Variants in INPP4B observed in about 807,000 individuals in gnomAD.
The protein encoded by INPP4B is inositol polyphosphate 4-phosphatase type II.
INPP4B carries 55 observed loss-of-function variants against 122.5 expected under a neutral mutation model. The observed-to-expected ratio is 0.45, with a 90% CI of 0.36 to 0.56. The LOEUF (loss-of-function observed/expected upper bound fraction) is 0.56, where lower values mean the gene tolerates loss of function less well. Ranked by LOEUF, INPP4B falls within the 20% of genes least tolerant of loss-of-function variation. The pLI is 0.00. For missense variants in INPP4B, 1,000 were observed against 1,097.7 expected, an observed-to-expected ratio of 0.91 and a Z score of 1.26; for synonymous variants, 403 against 388.7, an observed-to-expected ratio of 1.04 and a Z score of -0.43.
chr4:142,220,070 C>T (rs1848766387), intron 12 of INPP4B, among the ~76,000 whole-genome samples: 1 of 152,154 alleles, frequency 6.6e-6, no homozygotes, highest in African/African-American at 2.4e-5. Flanking sequence ...TTCTTTTGGA[C>T]AATATCACTC....
intron 7 of INPP4B, among the ~76,000 whole-genome samples, chr4:142,336,387 T>C (rs1029018729): frequency 6.6e-6 from 1 of 152,192 alleles, no homozygotes; most frequent in African/African-American, 2.4e-5. Context: ...GCAGTCACAC[T>C]TCTGGAGGCC....
At chr4:142,684,056 G>A (rs1159228964) in intron 2 of INPP4B, among the ~76,000 whole-genome samples, 1 of 151,976 alleles carries the variant, frequency 6.6e-6, no homozygotes, top group African/African-American at 2.4e-5. Flanking sequence ...GAGATGAAAA[G>A]ACAAGAAATA....
chr4:142,604,755 G>T (rs1740854156), intron 2 of INPP4B, among the ~76,000 whole-genome samples: 1 of 152,072 alleles, frequency 6.6e-6, no homozygotes, highest in Admixed American at 6.6e-5. Context: ...CCATGCTCAT[G>T]AATTGGAAGG....
At chr4:142,294,856 A>AAAG (rs1561775056) in intron 9 of INPP4B, among the ~76,000 whole-genome samples, 1 of 143,806 alleles carries the variant, frequency 7.0e-6, no homozygotes, top group African/African-American at 2.6e-5. Context: ...AAAAAAAAAA[A>AAAG]GGCAGACTTA....
intron 1 of INPP4B, among the ~76,000 whole-genome samples, chr4:142,827,802 G>A (rs1220817172): frequency 6.6e-6 from 1 of 152,100 alleles, no homozygotes; most frequent in Non-Finnish European, 1.5e-5. Context: ...TTCAACACAT[G>A]TGAATTGGAC....
At chr4:142,644,162 G>A (rs1271107866) in intron 2 of INPP4B, among the ~76,000 whole-genome samples, 1 of 151,320 alleles carries the variant, frequency 6.6e-6, no homozygotes, top group Non-Finnish European at 1.5e-5. Flanking sequence ...CTACACCACT[G>A]CACTCCAGCA....
intron 2 of INPP4B, among the ~76,000 whole-genome samples, chr4:142,684,107 T>C (rs547613215): frequency 6.6e-6 from 1 of 152,190 alleles, no homozygotes; most frequent in East Asian, 1.9e-4. Context: ...ATTTGTTCAT[T>C]GCAAAACTCC....
chr4:142,145,209 G>C (rs1810040877), intron 18 of INPP4B, among the ~76,000 whole-genome samples: 1 of 152,070 alleles, frequency 6.6e-6, no homozygotes, highest in African/African-American at 2.4e-5. Context: ...ACATTTGAAA[G>C]TATCTGCCTT....
At chr4:142,208,230 A>T (rs1440266229) in intron 14 of INPP4B, among the ~76,000 whole-genome samples, 195 bp downstream of exon 14, 1 of 152,156 alleles carries the variant, frequency 6.6e-6, no homozygotes, top group Non-Finnish European at 1.5e-5. Flanking sequence ...AACATTCATA[A>T]AGTATTTCTC....
chr4:142,650,562 G>T (rs1352381499), intron 2 of INPP4B, among the ~76,000 whole-genome samples: 1 of 151,724 alleles, frequency 6.6e-6, no homozygotes, highest in Non-Finnish European at 1.5e-5. Context: ...AAAGGCAGGG[G>T]TTGCAATCCT....
chr4:142,026,603 A>C lies in INPP4B; in HGVS notation c.*2179T>G, dbSNP rs1737073979. On this transcript the variant is annotated 3_prime_UTR_variant, in exon 26 of 26. Coordinates refer to ENST00000262992, the MANE Select transcript of INPP4B (RefSeq NM_001101669.3). ...TGCCTCAGCCTCCCAAGTAGCTGGG[A>C]TTACACGTGTGTGCCACCACATCCA... The C allele has an allele frequency of 6.6e-6, 1 of 152,464 alleles. No individual in the cohort carries two copies. The highest frequency in any genetic ancestry group is 1.5e-5 in the Non-Finnish European group (1 of 68,286). 9.4% of individuals were successfully genotyped at this position (152,464 alleles called of 1,614,324 possible).
At chr4:142,761,796 A>G (rs1455032048) in intron 1 of INPP4B, among the ~76,000 whole-genome samples, 3 of 152,200 alleles carry the variant, frequency 2.0e-5, no homozygotes, top group East Asian at 1.9e-4. Context: ...GACTTTTTAT[A>G]TATTCAAATA....
At chr4:142,594,683 T>C (rs748295617) in intron 2 of INPP4B, among the ~76,000 whole-genome samples, 1 of 152,000 alleles carries the variant, frequency 6.6e-6, no homozygotes, top group Admixed American at 6.6e-5. Flanking sequence ...AGGCCGGGCA[T>C]GGTGGCTCAC....
At chr4:142,260,359 G>A (rs948053817) in intron 11 of INPP4B, 133 bp downstream of exon 11, 3 of 669,924 alleles carry the variant, frequency 4.5e-6, no homozygotes, top group Non-Finnish European at 8.1e-6. Context: ...GCATTCTGCT[G>A]GCCCCTTATG....
intron 2 of INPP4B, among the ~76,000 whole-genome samples, chr4:142,643,469 G>T (rs144492827): frequency 7.9e-4 from 120 of 152,276 alleles, no homozygotes; most frequent in Non-Finnish European, 1.4e-3. Context: ...CAATTCAGTG[G>T]AGGTGAAAGC....
At chr4:142,551,668 T>C (rs1298350839) in intron 2 of INPP4B, among the ~76,000 whole-genome samples, 10 of 152,202 alleles carry the variant, frequency 6.6e-5, no homozygotes, top group Non-Finnish European at 1.5e-4. Context: ...TTCTGTGTTA[T>C]CACGCAGTAG....
intron 1 of INPP4B, among the ~76,000 whole-genome samples, chr4:142,801,109 G>A (rs1777938910): frequency 6.6e-6 from 1 of 152,114 alleles, no homozygotes; most frequent in Non-Finnish European, 1.5e-5. Context: ...AATGGAGTAT[G>A]AAGATGAGAC....
At chr4:142,837,739 C>T (rs953738376) in intron 1 of INPP4B, among the ~76,000 whole-genome samples, 2 of 152,042 alleles carry the variant, frequency 1.3e-5, no homozygotes, top group Non-Finnish European at 2.9e-5. Flanking sequence ...TGAGTGCAAG[C>T]TTTCTGGAAA....
rs974233432 is a variant in INPP4B, at chr4:142,144,486, T to C, written c.1720+1354A>G. Among the ~76,000 whole-genome samples the C allele has an allele frequency of 2.6e-5, 4 of 152,074 alleles. 1 individual carries two copies. ...TCTGGCCCATACTTGATAATCAATA[T>C]TTGTTCAATTAAAGAAAATTGAAGT... On this transcript the variant is annotated intron_variant, in intron 18 of 25. Coordinates refer to ENST00000262992, the MANE Select transcript of INPP4B (RefSeq NM_001101669.3).
Sources: allele counts gnomAD v4.1 joint callset (sites outside exome capture counted in the v4.1 genomes callset), GRCh38; gene constraint gnomAD v4.1.1; transcripts MANE v1.5; gene names NCBI Gene and HGNC (gene_info 2026-07-23, HGNC 2026-07-21).